Variants in CELSR3 observed in about 807,000 individuals in gnomAD.
CELSR3 encodes cadherin EGF LAG seven-pass G-type receptor 3.
Under a neutral mutation model 270.0 loss-of-function variants are expected in CELSR3, and 73 were observed. That is an observed-to-expected ratio of 0.27 (90% CI 0.22 to 0.33). The LOEUF (loss-of-function observed/expected upper bound fraction) is 0.33, where lower values mean the gene tolerates loss of function less well. Ranked by LOEUF, CELSR3 falls within the 10% of genes least tolerant of loss-of-function variation. The pLI is 1.00. For synonymous variants in CELSR3, 1,780 were observed against 1,905.4 expected (o/e 0.93, Z 1.71); for missense variants, 3,614 against 4,533.8 (o/e 0.80, Z 5.83).
rs960679827 is a variant in CELSR3, at chr3:48,648,673, G to A, written c.6777+46C>T. 5.7e-6 allele frequency: 9 copies of A among 1,582,570 alleles called. No homozygotes were observed. The African/African-American group carries it at 1.2e-4, about 21-fold the overall frequency. ...GCTGGGGATCCAGGGGCAGGAGGCT[G>A]GGAGCTGGGGGGCCAAGGCACTGAG... On this transcript the variant is annotated intron_variant, in intron 18 of 34. Coordinates refer to ENST00000164024, the MANE Select transcript of CELSR3 (RefSeq NM_001407.3).
At position 48,642,997 on chromosome 3, in the gene CELSR3, C is replaced by T. The variant is rs770515775; in HGVS notation, c.8376G>A (p.Ala2792=). The part of the protein sequence containing the change: ...WMPACLGRKA[A]PEEARPAPGL... ...CAGGTGCTGGCCTTGCCTCCTCAGG[C>T]GCTGCCTTCCTGCCCAGACAGGCTG... is the stretch of plus-strand genomic sequence containing the variant. Residue 2792 remains alanine, a synonymous_variant, in exon 29 of 35, where the codon GCG becomes GCA. Coordinates refer to ENST00000164024, the MANE Select transcript of CELSR3 (RefSeq NM_001407.3). The surrounding 1 kb of genome is among the most constrained non-coding windows in gnomAD (Gnocchi z 6.1). 1.9e-5 allele frequency: 30 copies of T among 1,612,718 alleles called. No homozygotes were observed. The highest frequency in any genetic ancestry group is 6.7e-5 in the East Asian group (3 of 44,880).
At position 48,644,065 on chromosome 3, in the gene CELSR3, G is replaced by T; in HGVS notation, c.8165+151C>A. 1 of 646,682 alleles carries T rather than the reference G, an allele frequency of 1.5e-6. No homozygotes were observed. Among genetic ancestry groups the T allele is most frequent in the Non-Finnish European group, 2.7e-6 (1 of 364,176 alleles). The allele number at this position is 646,682 out of a possible 1,614,324, so 40.1% of individuals were successfully genotyped here. On this transcript the variant is annotated intron_variant, in intron 27 of 34. Coordinates refer to ENST00000164024, the MANE Select transcript of CELSR3 (RefSeq NM_001407.3). This position sits in a 1 kb window ranked among gnomAD's most constrained non-coding sequence, Gnocchi z 4.8. ...GCTACAGTATAGCGAGGGCGCCAGA[G>T]AGGGACCACAGGTCAGGGCAGGTGT... is the stretch of plus-strand genomic sequence containing the variant.
At chr3:48,656,491 C>T (rs1207033982) in intron 2 of CELSR3, 126 bp from the exon 3 acceptor site, 3 of 1,128,046 alleles carry the variant, frequency 2.7e-6, no homozygotes, top group East Asian at 5.8e-5. Context: ...TCGGTGGACA[C>T]GCCCCTTCCG....
chr3:48,646,905 C>A lies in CELSR3; in HGVS notation c.7153G>T (p.Glu2385Ter). 6.4e-7 allele frequency: 1 copy of A among 1,558,502 alleles called. No individual in the cohort carries two copies. The highest frequency in any genetic ancestry group is 8.6e-7 in the Non-Finnish European group (1 of 1,157,718). ...SEVLPTSSSI[E>*]NSTTSSVVPP... ...ACCACACTTGAGGTGGTGGAGTTTT[C>A]TATGCTGCTGCTTGTGGGCAGAACT... The change falls in exon 21 of 35, where the codon GAA (glutamate) becomes TAA (stop). Residue 2385 changes from glutamate (E) to a stop codon, truncating the protein, a stop_gained. Coordinates refer to ENST00000164024, the MANE Select transcript of CELSR3 (RefSeq NM_001407.3). LOFTEE classifies it high-confidence loss of function. The surrounding 1 kb of genome is among the most constrained non-coding windows in gnomAD (Gnocchi z 4.8).
chr3:48,645,021 G>A lies in CELSR3; in HGVS notation c.7972+14C>T. 1 of 1,565,764 alleles carries A rather than the reference G, an allele frequency of 6.4e-7. No individual in the cohort carries two copies. The highest frequency in any genetic ancestry group is 8.7e-7 in the Non-Finnish European group (1 of 1,149,424). On this transcript the variant is annotated intron_variant, in intron 25 of 34. Coordinates refer to ENST00000164024, the MANE Select transcript of CELSR3 (RefSeq NM_001407.3). The surrounding 1 kb of genome is among the most constrained non-coding windows in gnomAD (Gnocchi z 5.4). ...GCCATGTGATGGTTGGAGGTTGGGG[G>A]TCACAGCCCTCACCCAGCAGCACAG...
rs1243919332 is a variant in CELSR3, at chr3:48,661,674, G to C, written c.961C>G (p.Arg321Gly). ...NRARFRRAAN[R>G]HPQFPQYNYQ... ...TTGTACTGCGGAAACTGCGGGTGGC[G>C]GTTTGCGGCGCGACGAAAGCGTGCC... The change falls in exon 1 of 35, where the codon CGC becomes GGC. Residue 321 changes from arginine to glycine, a missense_variant. By Grantham distance (125) the Arg-to-Gly change is moderately radical. Transcript: ENST00000164024. The C allele has an allele frequency of 6.3e-7, 1 of 1,583,680 alleles. No homozygotes were observed. The highest frequency in any genetic ancestry group is 8.6e-7 in the Non-Finnish European group (1 of 1,164,170).
chr3:48,658,037 C>T lies in CELSR3; in HGVS notation c.3749-689G>A, dbSNP rs963113947. Among the ~76,000 whole-genome samples, 1 of 152,138 alleles carries T rather than the reference C, an allele frequency of 6.6e-6. No individual in the cohort carries two copies. On this transcript the variant is annotated intron_variant, in intron 1 of 34. Transcript: ENST00000164024. This position sits in a 1 kb window ranked among gnomAD's most constrained non-coding sequence, Gnocchi z 4.7. ...CCTGCTCGCCACTCCAGACCTGGGTCCTGTGGTTTCACAGTGACCACCCCA... is the reference window on the plus strand; with the variant it reads ...CCTGCTCGCCACTCCAGACCTGGGTTCTGTGGTTTCACAGTGACCACCCCA...
In CELSR3 at chr3:48,640,594, G is replaced by A. The variant is rs775238817; in HGVS notation, c.9026-35C>T. ...GAAGAAAATGGGGGGCAGGGTTTGT[G>A]TGGGAGGGGGAGGGCAGGCAGGAAT... On this transcript the variant is annotated intron_variant, in intron 33 of 34. Transcript: ENST00000164024. This position sits in a 1 kb window ranked among gnomAD's most constrained non-coding sequence, Gnocchi z 7.5. 6.6e-6 allele frequency: 10 copies of A among 1,505,274 alleles called. No homozygotes were observed. In the African/African-American group the frequency reaches 8.3e-5, roughly 13 times the overall value. 93.2% of individuals were successfully genotyped at this position (1,505,274 alleles called of 1,614,324 possible).
In CELSR3 at chr3:48,640,577, T is replaced by C; in HGVS notation, c.9026-18A>G. 2.2e-6 allele frequency: 3 copies of C among 1,376,042 alleles called. No homozygotes were observed. The highest frequency in any genetic ancestry group is 1.7e-5 in the South Asian group (1 of 59,494). 85.2% of individuals were successfully genotyped at this position (1,376,042 alleles called of 1,614,324 possible). On this transcript the variant is annotated intron_variant, in intron 33 of 34. Coordinates refer to ENST00000164024, the MANE Select transcript of CELSR3 (RefSeq NM_001407.3). The surrounding 1 kb of genome is among the most constrained non-coding windows in gnomAD (Gnocchi z 7.5). ...CAGGATGCCTGTGAGAGGAAGAAAA[T>C]GGGGGGCAGGGTTTGTGTGGGAGGG...
intron 2 of CELSR3, 107 bp downstream of exon 2, chr3:48,656,591 T>A: frequency 2.2e-6 from 3 of 1,370,890 alleles, no homozygotes; most frequent in Non-Finnish European, 2.9e-6. Context: ...AGCGCGTCCA[T>A]ACCAGGCCGT....
intron 2 of CELSR3, 27 bp from the exon 3 acceptor site, chr3:48,656,392 G>A: frequency 7.2e-7 from 1 of 1,393,820 alleles, no homozygotes; most frequent in Non-Finnish European, 9.2e-7. Context: ...GGTCAGAGGC[G>A]GTCACGCCCA....
Position 48,641,783 on chromosome 3 carries a change from TGG to T in CELSR3, c.8824+66_8824+67del. The stretch of plus-strand genomic sequence containing the variant: ...GGATGAACCCCAACCGCAGGAAAGA[TGG>T]GGAGCTGGAGGGATAACAAATGGGG... On this transcript the variant is annotated intron_variant, in intron 32 of 34. Transcript: ENST00000164024. This position sits in a 1 kb window ranked among gnomAD's most constrained non-coding sequence, Gnocchi z 4.8. 7.2e-7 allele frequency: 1 copy of T among 1,383,602 alleles called. No homozygotes were observed. The highest frequency in any genetic ancestry group is 9.5e-7 in the Non-Finnish European group (1 of 1,048,584). The allele number at this position is 1,383,602 out of a possible 1,614,324, so 85.7% of individuals were successfully genotyped here.
chr3:48,659,244 C>T lies in CELSR3; in HGVS notation c.3391G>A (p.Asp1131Asn), dbSNP rs2077047043. Residue 1131 changes from aspartate to asparagine, a missense_variant, in exon 1 of 35, where the codon GAC becomes AAC. Asp to Asn is a conservative substitution (Grantham distance 23, BLOSUM62 1). Coordinates refer to ENST00000164024, the MANE Select transcript of CELSR3 (RefSeq NM_001407.3). This position sits in a 1 kb window ranked among gnomAD's most constrained non-coding sequence, Gnocchi z 8.1. ...SGELTALIDLDYEARQEYVIV... is the reference protein window; with the variant it reads ...SGELTALIDLNYEARQEYVIV... ...ACATATTCTTGGCGAGCCTCATAGT[C>T]TAGGTCAATGAGTGCCGTCAGTTCT... 1 of 1,614,172 alleles carries T rather than the reference C, an allele frequency of 6.2e-7. No individual in the cohort carries two copies.
In CELSR3 at chr3:48,655,985, G is replaced by A. The variant is rs2047177261; in HGVS notation, c.4626-134C>T. On this transcript the variant is annotated intron_variant, in intron 3 of 34. Transcript: ENST00000164024. The surrounding 1 kb of genome is among the most constrained non-coding windows in gnomAD (Gnocchi z 5.8). ...CGAGGGACGGCGGGACCGACCGGGG[G>A]GACGCGGGTGCAGCGAGGTCAGGAG... 4 of 1,113,942 alleles carry A rather than the reference G, an allele frequency of 3.6e-6. No homozygotes were observed. Among genetic ancestry groups the A allele is most frequent in the African/African-American group, 3.1e-5 (2 of 64,930 alleles). 69.0% of individuals were successfully genotyped at this position (1,113,942 alleles called of 1,614,324 possible).
chr3:48,640,015 C>A lies in CELSR3; in HGVS notation c.9570G>T (p.Pro3190=), dbSNP rs369266232. ...LSRDPLLPSR[P]LDSLSRSSNS... is the part of the protein sequence containing the mutation. ...TCGAGCTCCTAGACAGAGAGTCCAGCGGCCGGGATGGCAAGAGGGGGTCCC... is the reference window on the plus strand; with the variant it reads ...TCGAGCTCCTAGACAGAGAGTCCAGAGGCCGGGATGGCAAGAGGGGGTCCC... Residue 3190 remains proline, a synonymous_variant, in exon 34 of 35, where the codon CCG becomes CCT. Transcript: ENST00000164024. This position sits in a 1 kb window ranked among gnomAD's most constrained non-coding sequence, Gnocchi z 7.5. 1.2e-6 allele frequency: 2 copies of A among 1,611,924 alleles called. No individual in the cohort carries two copies. Among genetic ancestry groups the A allele is most frequent in the East Asian group, 2.2e-5 (1 of 44,886 alleles).
chr3:48,653,556 A>C lies in CELSR3; in HGVS notation c.5448+63T>G. On this transcript the variant is annotated intron_variant, in intron 9 of 34. Coordinates refer to ENST00000164024, the MANE Select transcript of CELSR3 (RefSeq NM_001407.3). The surrounding 1 kb of genome is among the most constrained non-coding windows in gnomAD (Gnocchi z 6.5). ...TGTGTGACCAACCTGAACCCACAAG[A>C]ATGTCAGTGGCGGCCTAAGAGACTG... The C allele has an allele frequency of 1.9e-6, 3 of 1,569,312 alleles. No homozygotes were observed. Among genetic ancestry groups the C allele is most frequent in the South Asian group, 2.3e-5 (2 of 86,052 alleles).
chr3:48,651,632 G>C lies in CELSR3; in HGVS notation c.6010C>G (p.His2004Asp), dbSNP rs1485091414. ...GSCRHLPGAP[H>D]GYTCDCVGGY... ...CCCACACAGTCACAGGTATAGCCATGGGGGGCTCCTGGCAGGTGCCGGCAT... is the reference window on the plus strand; with the variant it reads ...CCCACACAGTCACAGGTATAGCCATCGGGGGCTCCTGGCAGGTGCCGGCAT... Residue 2004 changes from histidine (H) to aspartate (D), a missense_variant, in exon 13 of 35, where the codon CAT becomes GAT. By Grantham distance (81) the His-to-Asp change is moderately conservative. This residue lies in a region of CELSR3 where 1,331 missense variants were observed against 1,933.7 expected (regional missense o/e 0.69). Coordinates refer to ENST00000164024, the MANE Select transcript of CELSR3 (RefSeq NM_001407.3). The surrounding 1 kb of genome is among the most constrained non-coding windows in gnomAD (Gnocchi z 7.4). The C allele has an allele frequency of 6.3e-7, 1 of 1,591,812 alleles. No homozygotes were observed. The highest frequency in any genetic ancestry group is 8.6e-7 in the Non-Finnish European group (1 of 1,168,812).
At position 48,645,964 on chromosome 3, in the gene CELSR3, G is replaced by A. The variant is rs996012037; in HGVS notation, c.7464-96C>T. On this transcript the variant is annotated intron_variant, in intron 22 of 34. Transcript: ENST00000164024. The surrounding 1 kb of genome is among the most constrained non-coding windows in gnomAD (Gnocchi z 5.4). Reference sequence around the variant, plus strand: ...AGGGCTGAGGGTGCCTGGAGTTGGGGTACAGCATTCCTCATGGTCCGGGTT... The same window carrying A: ...AGGGCTGAGGGTGCCTGGAGTTGGGATACAGCATTCCTCATGGTCCGGGTT... 1.9e-6 allele frequency: 3 copies of A among 1,568,804 alleles called. No homozygotes were observed. Among genetic ancestry groups the A allele is most frequent in the South Asian group, 1.1e-5 (1 of 87,444 alleles).
chr3:48,640,152 C>A lies in CELSR3; in HGVS notation c.9433G>T (p.Asp3145Tyr). The change falls in exon 34 of 35, where the codon GAC becomes TAC. Residue 3145 changes from aspartate (D) to tyrosine (Y), a missense_variant. Physicochemically the swap from Asp to Tyr is radical, Grantham distance 160. Coordinates refer to ENST00000164024, the MANE Select transcript of CELSR3 (RefSeq NM_001407.3). This position sits in a 1 kb window ranked among gnomAD's most constrained non-coding sequence, Gnocchi z 7.5. ...AGRFGSRDALDLGAPREWLST... is the reference protein window; with the variant it reads ...AGRFGSRDALYLGAPREWLST... ...AACCACTCTCGAGGTGCCCCTAAGT[C>A]GAGCGCATCCCGTGACCCGAAGCGG... is the stretch of plus-strand genomic sequence containing the variant. 6.2e-7 allele frequency: 1 copy of A among 1,612,560 alleles called. No homozygotes were observed. The highest frequency in any genetic ancestry group is 8.5e-7 in the Non-Finnish European group (1 of 1,179,930).
Sources: allele counts gnomAD v4.1 joint callset (sites outside exome capture counted in the v4.1 genomes callset), GRCh38; gene constraint gnomAD v4.1.1; regional missense constraint gnomAD v4.1.1; non-coding constraint Gnocchi (gnomAD v3.1); transcripts MANE v1.5; gene names NCBI Gene and HGNC (gene_info 2026-07-23, HGNC 2026-07-21).